Variants in ADGRB3 observed in about 807,000 individuals in gnomAD.
ADGRB3 encodes brain-specific angiogenesis inhibitor 3.
In ADGRB3, 37 loss-of-function variants were observed where a neutral mutation model predicts 193.4. The observed-to-expected ratio is 0.19, with a 90% CI of 0.15 to 0.25. ADGRB3 has a LOEUF of 0.25. Among genes scored for constraint, ADGRB3 ranks in the 10% least tolerant of loss-of-function variants. The pLI is 1.00. For missense variants in ADGRB3, 1,637 were observed against 1,852.9 expected (o/e 0.88, Z 2.14); for synonymous variants, 690 against 644.2 (o/e 1.07, Z -1.08).
chr6:69,177,796 A>G (rs1481287126), intron 17 of ADGRB3, among the ~76,000 whole-genome samples: 1 of 152,208 alleles, frequency 6.6e-6, no homozygotes. Flanking sequence ...ATGGTCTGAC[A>G]GTATGATTGA....
chr6:69,126,946 T>C (rs1773869205), intron 17 of ADGRB3, among the ~76,000 whole-genome samples: 1 of 152,218 alleles, frequency 6.6e-6, no homozygotes, highest in Admixed American at 6.5e-5. Context: ...TAGTAGAATA[T>C]GAGACAGAAT....
chr6:68,930,190 A>G (rs1261416967), intron 3 of ADGRB3, among the ~76,000 whole-genome samples: 1 of 152,056 alleles, frequency 6.6e-6, no homozygotes, highest in Admixed American at 6.6e-5. Flanking sequence ...GTTGTTTAGC[A>G]AAGAAGCAGA....
intron 20 of ADGRB3, among the ~76,000 whole-genome samples, chr6:69,320,825 ATGTGTGTG>A (rs5877204): frequency 4.1e-5 from 6 of 146,262 alleles, no homozygotes; most frequent in Non-Finnish European, 7.6e-5. Context: ...GCATGTGTGT[ATGTGTGTG>A]TGTGTGTGTG....
intron 3 of ADGRB3, among the ~76,000 whole-genome samples, chr6:68,660,973 T>C (rs1267214815): frequency 6.6e-6 from 1 of 150,810 alleles, no homozygotes; most frequent in African/African-American, 2.4e-5. Flanking sequence ...GCAAAAATTA[T>C]GTATTTGTAT....
chr6:68,942,635 G>T (rs983971368), intron 5 of ADGRB3, among the ~76,000 whole-genome samples: 8 of 151,880 alleles, frequency 5.3e-5, no homozygotes, highest in Non-Finnish European at 1.2e-4. Flanking sequence ...TTGGAAGATG[G>T]AGTCTTGCTG....
At chr6:69,276,568 A>G (rs1767307133) in intron 20 of ADGRB3, among the ~76,000 whole-genome samples, 3 of 152,176 alleles carry the variant, frequency 2.0e-5, no homozygotes, top group African/African-American at 7.2e-5. Flanking sequence ...CACATTTACA[A>G]TATGTGAAGT....
At chr6:68,966,380 A>C (rs530775970) in intron 8 of ADGRB3, among the ~76,000 whole-genome samples, 28 of 152,062 alleles carry the variant, frequency 1.8e-4, no homozygotes, top group African/African-American at 5.8e-4. Context: ...CCCTAATATA[A>C]AGTCAAGATC....
At chr6:68,646,337 C>T (rs1051137170) in intron 3 of ADGRB3, among the ~76,000 whole-genome samples, 2 of 151,422 alleles carry the variant, frequency 1.3e-5, no homozygotes, top group East Asian at 2.0e-4. Context: ...ATTAGCCAGG[C>T]GTGGTGGGGC....
intron 16 of ADGRB3, among the ~76,000 whole-genome samples, chr6:69,067,944 T>C (rs1261831710): frequency 6.6e-6 from 1 of 152,260 alleles, no homozygotes; most frequent in South Asian, 2.1e-4. Context: ...GTCAGCAAAC[T>C]TTTTTAGATA....
chr6:69,226,430 G>T lies in ADGRB3; in HGVS notation c.2481-6860G>T, dbSNP rs138035781. On this transcript the variant is annotated intron_variant, in intron 17 of 31. Coordinates refer to ENST00000370598, the MANE Select transcript of ADGRB3 (RefSeq NM_001704.3). ...TGTGTCAAGCAGTATGTTAGAATCA[G>T]GTAATACCAAAGTGAACATAACAAT... Among the ~76,000 whole-genome samples the T allele has an allele frequency of 2.5e-3, 379 of 152,234 alleles. 4 individuals carry two copies. The highest frequency in any genetic ancestry group is 8.9e-3 in the African/African-American group (368 of 41,540).
intron 8 of ADGRB3, among the ~76,000 whole-genome samples, chr6:68,959,864 G>A (rs1467899358): frequency 2.0e-5 from 3 of 152,104 alleles, no homozygotes; most frequent in African/African-American, 7.2e-5. Flanking sequence ...ACCAGATAAT[G>A]GTTTCATTTA....
chr6:69,224,285 A>T (rs781021824), intron 17 of ADGRB3, among the ~76,000 whole-genome samples: 2 of 152,140 alleles, frequency 1.3e-5, no homozygotes, highest in Non-Finnish European at 2.9e-5. Context: ...GTCCGGTCAA[A>T]TCTCTGGAGT....
chr6:68,646,803 G>C (rs986296524), intron 3 of ADGRB3, among the ~76,000 whole-genome samples: 1 of 152,198 alleles, frequency 6.6e-6, no homozygotes, highest in African/African-American at 2.4e-5. Flanking sequence ...AATTGTGTAA[G>C]AGTGTGTGTG....
chr6:69,066,499 A>G (rs1341346634), intron 16 of ADGRB3, among the ~76,000 whole-genome samples: 1 of 152,100 alleles, frequency 6.6e-6, no homozygotes, highest in Non-Finnish European at 1.5e-5. Context: ...AGCATTTACA[A>G]TATGTTAAAT....
At chr6:68,870,427 G>C (rs1481669063) in intron 3 of ADGRB3, among the ~76,000 whole-genome samples, 4 of 152,080 alleles carry the variant, frequency 2.6e-5, no homozygotes, top group Admixed American at 6.5e-5. Flanking sequence ...GAAATACATT[G>C]GTCTTATCTA....
intron 28 of ADGRB3, among the ~76,000 whole-genome samples, chr6:69,356,933 A>G (rs1303319254): frequency 6.6e-6 from 1 of 152,076 alleles, no homozygotes; most frequent in African/African-American, 2.4e-5. Flanking sequence ...TAGGAACAGA[A>G]TATGCCTCAT....
chr6:69,163,047 G>C (rs1037339470), intron 17 of ADGRB3, among the ~76,000 whole-genome samples: 2 of 152,010 alleles, frequency 1.3e-5, no homozygotes, highest in Admixed American at 1.3e-4. Flanking sequence ...CTGCTTATTT[G>C]TCTGAGTCAA....
intron 30 of ADGRB3, among the ~76,000 whole-genome samples, chr6:69,378,103 T>C (rs1769869011): frequency 6.6e-6 from 1 of 152,090 alleles, no homozygotes; most frequent in South Asian, 2.1e-4. Context: ...TGCTGTGTGC[T>C]AGGTGCCAGT....
chr6:68,956,328 T>TGC, intron 7 of ADGRB3, 140 bp downstream of exon 7: 1 of 934,088 alleles, frequency 1.1e-6, no homozygotes. Context: ...TGTGTGTGTG[T>TGC]ATACATGTAT....
Sources: gnomAD v4.1 joint callset for allele counts (sites outside exome capture counted in the v4.1 genomes callset) on GRCh38, gnomAD v4.1.1 for gene constraint, MANE v1.5 for transcripts, NCBI Gene and HGNC (gene_info 2026-07-23, HGNC 2026-07-21) for gene names.